RIMS4: variants seen among roughly 807,000 people sequenced by gnomAD.
The protein encoded by RIMS4 is regulating synaptic membrane exocytosis 4, also known as regulating synaptic membrane exocytosis protein 4.
Under a neutral mutation model 29.0 loss-of-function variants are expected in RIMS4, and 9 were observed. That is an observed-to-expected ratio of 0.31 (90% CI 0.19 to 0.54). The LOEUF (loss-of-function observed/expected upper bound fraction) is 0.54. Among genes scored for constraint, RIMS4 ranks in the 20% least tolerant of loss-of-function variants. The pLI, the probability that RIMS4 is intolerant of heterozygous loss-of-function variation, is 0.94. For missense variants in RIMS4, 193 were observed against 365.7 expected (o/e 0.53, Z 3.85); for synonymous variants, 130 against 152.9 (o/e 0.85, Z 1.10).
chr20:44,809,786 G>A (rs969860876), intron 1 of RIMS4, among the ~76,000 whole-genome samples: 2 of 152,110 alleles, frequency 1.3e-5, no homozygotes, highest in East Asian at 3.9e-4. Context: ...ATGGCGGGGG[G>A]CGCGTCGGAG....
At chr20:44,761,129 G>C (rs978397542) in intron 2 of RIMS4, among the ~76,000 whole-genome samples, 1 of 152,114 alleles carries the variant, frequency 6.6e-6, no homozygotes, top group African/African-American at 2.4e-5. Flanking sequence ...AGGACACAGC[G>C]GGACTTGATA....
intron 1 of RIMS4, among the ~76,000 whole-genome samples, chr20:44,783,532 G>A (rs571815883): frequency 1.3e-5 from 2 of 152,138 alleles, no homozygotes; most frequent in African/African-American, 2.4e-5. Context: ...GCTGAGGCAG[G>A]AGAATCACTT....
intron 1 of RIMS4, among the ~76,000 whole-genome samples, chr20:44,808,883 C>T (rs908337164): frequency 1.3e-5 from 2 of 152,152 alleles, no homozygotes; most frequent in South Asian, 2.1e-4. Context: ...TTCCTAAAAC[C>T]GTAGGCTACA....
intron 2 of RIMS4, among the ~76,000 whole-genome samples, chr20:44,767,320 C>T (rs1423186232): frequency 2.0e-5 from 3 of 152,196 alleles, no homozygotes; most frequent in Admixed American, 6.5e-5. Context: ...CTAGCTCCTG[C>T]CCTTTTCCTG....
chr20:44,771,312 T>A lies in RIMS4; in HGVS notation c.199A>T (p.Ile67Phe). ...RTLRQASHESIEDSMNSYGSE... is the reference protein window; with the variant it reads ...RTLRQASHESFEDSMNSYGSE... Reference sequence around the variant, plus strand: ...CCATAGCTGTTCATGCTGTCCTCAATGGACTCGTGGCTGGCCTGGCGCAGT... The same window carrying A: ...CCATAGCTGTTCATGCTGTCCTCAAAGGACTCGTGGCTGGCCTGGCGCAGT... The change falls in exon 2 of 6, where the codon ATT becomes TTT. Residue 67 changes from isoleucine (I) to phenylalanine (F), a missense_variant. Ile to Phe is a conservative substitution (Grantham distance 21). Transcript: ENST00000372851. 1 of 1,613,954 alleles carries A rather than the reference T, an allele frequency of 6.2e-7. No homozygotes were observed. The highest frequency in any genetic ancestry group is 8.5e-7 in the Non-Finnish European group (1 of 1,179,840).
chr20:44,760,491 T>C (rs1363843291), intron 2 of RIMS4, among the ~76,000 whole-genome samples: 2 of 152,124 alleles, frequency 1.3e-5, no homozygotes, highest in African/African-American at 4.8e-5. Context: ...GAGAAGTAGC[T>C]GAGACCAATG....
chr20:44,762,108 G>T (rs2066087985), intron 2 of RIMS4, among the ~76,000 whole-genome samples: 2 of 152,326 alleles, frequency 1.3e-5, no homozygotes, highest in South Asian at 2.1e-4. Context: ...TTCTCACAAG[G>T]AGCTTGCAAC....
rs2066058185 is a variant in RIMS4 at position 44,756,033 on chromosome 20, A to AG, written c.*100dup. ...CCGTTCTGCTTCCCCACTGTGGGGG[A>AG]GAGCCCCGTCCTCCTGTTCAATGTG... is the stretch of plus-strand genomic sequence containing the variant. On this transcript the variant is annotated 3_prime_UTR_variant, in exon 6 of 6. Transcript: ENST00000372851. The surrounding 1 kb of genome is among the most constrained non-coding windows in gnomAD (Gnocchi z 5.9). The AG allele has an allele frequency of 2.2e-6, 2 of 928,586 alleles. No individual in the cohort carries two copies. The highest frequency in any genetic ancestry group is 4.8e-5 in the East Asian group (2 of 41,248). 57.5% of individuals were successfully genotyped at this position (928,586 alleles called of 1,614,324 possible).
intron 1 of RIMS4, among the ~76,000 whole-genome samples, chr20:44,774,719 T>C (rs1160910314): frequency 6.6e-6 from 1 of 152,202 alleles, no homozygotes; most frequent in Non-Finnish European, 1.5e-5. Flanking sequence ...GTCACCATCC[T>C]GACCTTTCAC....
At chr20:44,810,017 C>T (rs545603889) in intron 1 of RIMS4, among the ~76,000 whole-genome samples, 158 bp downstream of exon 1, 10 of 151,416 alleles carry the variant, frequency 6.6e-5, no homozygotes, top group Non-Finnish European at 1.3e-4. Context: ...GGTAGCGCAT[C>T]CTGGAGACCC....
intron 1 of RIMS4, among the ~76,000 whole-genome samples, chr20:44,804,906 C>G (rs73288458): frequency 0.33 from 50,099 of 152,080 alleles, 8,569 homozygotes; most frequent in African/African-American, 0.42. Flanking sequence ...GATTGCACCA[C>G]AGCAGACCTG....
chr20:44,786,271 C>T (rs1449916227), intron 1 of RIMS4, among the ~76,000 whole-genome samples: 2 of 152,090 alleles, frequency 1.3e-5, no homozygotes, highest in Admixed American at 1.3e-4. Context: ...GGGAACCACA[C>T]CCCCACCATC....
intron 1 of RIMS4, among the ~76,000 whole-genome samples, chr20:44,790,133 T>C (rs1049419631): frequency 6.6e-6 from 1 of 152,226 alleles, no homozygotes; most frequent in African/African-American, 2.4e-5. Context: ...GCACGCCTGA[T>C]TTTTAATTGA....
chr20:44,792,150 C>T (rs1373612594), intron 1 of RIMS4, among the ~76,000 whole-genome samples: 1 of 152,154 alleles, frequency 6.6e-6, no homozygotes, highest in East Asian at 1.9e-4. Context: ...ACCATAACTT[C>T]AGTGCCCAGC....
At chr20:44,806,671 G>A (rs1335415148) in intron 1 of RIMS4, among the ~76,000 whole-genome samples, 1 of 152,188 alleles carries the variant, frequency 6.6e-6, no homozygotes, top group Non-Finnish European at 1.5e-5. Context: ...AACATGTAGT[G>A]AGAGCCTACC....
chr20:44,789,830 T>C (rs1406560959), intron 1 of RIMS4, among the ~76,000 whole-genome samples: 1 of 152,178 alleles, frequency 6.6e-6, no homozygotes, highest in Non-Finnish European at 1.5e-5. Flanking sequence ...AGTGCCGGGA[T>C]TACAGTCATG....
intron 1 of RIMS4, among the ~76,000 whole-genome samples, chr20:44,788,569 T>TC: frequency 6.6e-6 from 1 of 152,022 alleles, no homozygotes; most frequent in East Asian, 1.9e-4. Flanking sequence ...GCCCAGGAGT[T>TC]CGAGACCAGC....
rs375033267 is a variant in RIMS4 at position 44,757,758 on chromosome 20, G to A, written c.363C>T (p.Ile121=). The A allele has an allele frequency of 7.3e-5, 117 of 1,613,706 alleles. No homozygotes were observed. Among genetic ancestry groups the A allele is most frequent in the Non-Finnish European group, 8.6e-5 (101 of 1,179,862 alleles). ...LATTPMGDVE[I]GLQERNGQLE... ...ACTGACCGTTCCGCTCCTGCAGACC[G>A]ATCTCCACATCCCCTGGAAGAGGCA... Residue 121 remains isoleucine (I), a synonymous_variant, in exon 4 of 6, where the codon ATC becomes ATT. Coordinates refer to ENST00000372851, the MANE Select transcript of RIMS4 (RefSeq NM_182970.4).
chr20:44,760,218 G>C (rs2066078194), intron 2 of RIMS4, among the ~76,000 whole-genome samples: 1 of 152,240 alleles, frequency 6.6e-6, no homozygotes, highest in Non-Finnish European at 1.5e-5. Flanking sequence ...TGCAGCTGGT[G>C]AGTGCTGGGG....
Sources: allele counts gnomAD v4.1 joint callset (sites outside exome capture counted in the v4.1 genomes callset), GRCh38; gene constraint gnomAD v4.1.1; non-coding constraint Gnocchi (gnomAD v3.1); transcripts MANE v1.5; gene names NCBI Gene and HGNC (gene_info 2026-07-23, HGNC 2026-07-21).